The following TOGARAM1 variants were observed in gnomAD, a reference collection of about 807,000 sequenced individuals.
The protein encoded by TOGARAM1 is TOG array regulator of axonemal microtubules protein 1.
Under a neutral mutation model 166.6 loss-of-function variants are expected in TOGARAM1, and 100 were observed. The ratio of observed to expected loss-of-function variants is 0.60; its 90% CI spans 0.51 to 0.71. The LOEUF is 0.71. Among genes scored for constraint, TOGARAM1 ranks in the 30% least tolerant of loss-of-function variants. TOGARAM1 has a pLI of 0.00. For missense variants in TOGARAM1, 2,029 were observed against 2,102.7 expected, an observed-to-expected ratio of 0.96 and a Z score of 0.69; for synonymous variants, 758 against 763.8, an observed-to-expected ratio of 0.99 and a Z score of 0.13.
chr14:45,071,885 C>T (rs1253717380), intron 19 of TOGARAM1, 87 bp downstream of exon 19: 1 of 965,520 alleles, frequency 1.0e-6, no homozygotes, highest in African/African-American at 1.7e-5. Flanking sequence ...GGATAGCTAC[C>T]AACTTAATAT....
At chr14:45,015,956 CTCAGTTT>C (rs1239852917) in intron 7 of TOGARAM1, among the ~76,000 whole-genome samples, 1 of 151,884 alleles carries the variant, frequency 6.6e-6, no homozygotes, top group African/African-American at 2.4e-5. Flanking sequence ...ACTGAGTATT[CTCAGTTT>C]TCAGTTTTTT....
At position 45,046,554 on chromosome 14, in the gene TOGARAM1, C is replaced by T; in HGVS notation, c.4164C>T (p.His1388=). 3 of 1,308,698 alleles carry T rather than the reference C, an allele frequency of 2.3e-6. No individual in the cohort carries two copies. The highest frequency in any genetic ancestry group is 5.3e-5 in the South Asian group (2 of 37,814). The allele number at this position is 1,308,698 out of a possible 1,614,324, so 81.1% of individuals were successfully genotyped here. The change falls in exon 14 of 20, where the codon CAC becomes CAT. Residue 1388 remains histidine (H), a synonymous_variant. Transcript: ENST00000361462. ...TCATGTCTCCTTGTAGCCATTTACACATTGCTGTAAGAAGGTGTACAGCCC... is the reference window on the plus strand; with the variant it reads ...TCATGTCTCCTTGTAGCCATTTACATATTGCTGTAAGAAGGTGTACAGCCC... ...SLINGGQSHL[H]IAVRRCTAQH...
chr14:45,044,137 G>C (rs549331639), intron 12 of TOGARAM1, among the ~76,000 whole-genome samples: 2 of 152,134 alleles, frequency 1.3e-5, no homozygotes, highest in Non-Finnish European at 2.9e-5. Flanking sequence ...AGTCTCCCAA[G>C]TAGCTGGGAT....
rs947770378 is a variant in TOGARAM1, at chr14:45,029,712, C to A, written c.3658+1383C>A. ...TTACTCATCTATGATAACATACATA[C>A]AGACAATATTTAGCTTCTAGAAACT... On this transcript the variant is annotated intron_variant, in intron 10 of 19. Coordinates refer to ENST00000361462, the MANE Select transcript of TOGARAM1 (RefSeq NM_001308120.2). Among the ~76,000 whole-genome samples the A allele has an allele frequency of 3.6e-4, 55 of 152,284 alleles. No individual in the cohort carries two copies. The Middle Eastern group carries it at 0.014, about 38-fold the overall frequency.
chr14:45,046,231 C>T (rs750313711), intron 13 of TOGARAM1, among the ~76,000 whole-genome samples: 4 of 152,016 alleles, frequency 2.6e-5, no homozygotes, highest in East Asian at 1.9e-4. Context: ...TCCAGGAGTT[C>T]GAGACCAGCC....
intron 10 of TOGARAM1, among the ~76,000 whole-genome samples, chr14:45,030,668 A>C (rs552336270): frequency 6.6e-6 from 1 of 152,320 alleles, no homozygotes; most frequent in Admixed American, 6.5e-5. Flanking sequence ...CTCACATAAC[A>C]AAAACTGGTA....
chr14:45,057,657 T>C (rs1056250706), intron 16 of TOGARAM1, among the ~76,000 whole-genome samples: 6 of 152,212 alleles, frequency 3.9e-5, no homozygotes, highest in African/African-American at 7.2e-5. Context: ...GTTTCCCTTT[T>C]CATTTACTTC....
intron 13 of TOGARAM1, among the ~76,000 whole-genome samples, chr14:45,045,573 ATATATATATATGTG>A (rs1319347842): frequency 3.2e-3 from 126 of 39,384 alleles, no homozygotes; most frequent in Admixed American, 7.1e-3. Flanking sequence ...ATATATATAT[ATATATATATATGTG>A]TGTGTGTGTG....
chr14:45,031,154 A>G (rs1279245520), intron 10 of TOGARAM1, among the ~76,000 whole-genome samples: 1 of 152,172 alleles, frequency 6.6e-6, no homozygotes. Flanking sequence ...TGGTTAATAA[A>G]CAATTTTTGA....
chr14:45,068,987 C>A (rs1209414947), intron 18 of TOGARAM1, among the ~76,000 whole-genome samples: 1 of 151,866 alleles, frequency 6.6e-6, no homozygotes, highest in African/African-American at 2.4e-5. Flanking sequence ...AATAAACTAA[C>A]TCAAAATGGA....
At chr14:44,970,130 A>C (rs1340987636) in intron 1 of TOGARAM1, among the ~76,000 whole-genome samples, 1 of 152,166 alleles carries the variant, frequency 6.6e-6, no homozygotes, top group Non-Finnish European at 1.5e-5. Flanking sequence ...CAAGTTGAGA[A>C]AAACTAACAG....
chr14:45,058,130 T>C (rs1201689388), intron 16 of TOGARAM1, among the ~76,000 whole-genome samples: 2 of 152,186 alleles, frequency 1.3e-5, no homozygotes, highest in East Asian at 1.9e-4. Context: ...GATCCAGTGT[T>C]GGGTGCATAT....
chr14:44,994,490 C>T (rs1234574863), intron 1 of TOGARAM1, among the ~76,000 whole-genome samples: 1 of 151,940 alleles, frequency 6.6e-6, no homozygotes, highest in Admixed American at 6.6e-5. Flanking sequence ...ACAATATCAG[C>T]CCACTGCAGC....
chr14:45,009,621 T>C (rs1291089890), intron 6 of TOGARAM1, among the ~76,000 whole-genome samples: 1 of 152,212 alleles, frequency 6.6e-6, no homozygotes, highest in Non-Finnish European at 1.5e-5. Flanking sequence ...ATGCCATAGC[T>C]CTCATAGCCT....
intron 16 of TOGARAM1, among the ~76,000 whole-genome samples, chr14:45,055,574 G>T (rs1401463921): frequency 6.6e-6 from 1 of 152,064 alleles, no homozygotes; most frequent in East Asian, 1.9e-4. Flanking sequence ...GGATGCTGAG[G>T]CGGGTGGATC....
chr14:44,963,591 T>G lies in TOGARAM1; in HGVS notation c.1170T>G (p.Ser390=). The change falls in exon 1 of 20, where the codon TCT becomes TCG. Residue 390 remains serine, a synonymous_variant. Coordinates refer to ENST00000361462, the MANE Select transcript of TOGARAM1 (RefSeq NM_001308120.2). ...TTAACCCTAGTTCTACTCCTCATTC[T>G]AGTCTTGTTGGCTTCATTAGTTTGC... ...GKFNPSSTPH[S]SLVGFISLLY... 1 of 1,613,752 alleles carries G rather than the reference T, an allele frequency of 6.2e-7. No homozygotes were observed. Among genetic ancestry groups the G allele is most frequent in the Non-Finnish European group, 8.5e-7 (1 of 1,179,838 alleles).
intron 16 of TOGARAM1, among the ~76,000 whole-genome samples, chr14:45,059,600 G>A (rs1882802990): frequency 1.3e-5 from 2 of 152,030 alleles, no homozygotes; most frequent in African/African-American, 4.8e-5. Flanking sequence ...AAGTTGCAGT[G>A]AGCTGAGATT....
At chr14:45,003,799 A>G (rs529580532) in intron 3 of TOGARAM1, among the ~76,000 whole-genome samples, 6 of 152,182 alleles carry the variant, frequency 3.9e-5, no homozygotes, top group Admixed American at 2.0e-4. Context: ...ACATGCATGT[A>G]TGTATGTAAT....
At chr14:44,991,544 G>A (rs1406718689) in intron 1 of TOGARAM1, among the ~76,000 whole-genome samples, 1 of 152,076 alleles carries the variant, frequency 6.6e-6, no homozygotes, top group Non-Finnish European at 1.5e-5. Context: ...TTATACTATA[G>A]GAATATAATA....
Sources: allele counts gnomAD v4.1 joint callset (sites outside exome capture counted in the v4.1 genomes callset), GRCh38; gene constraint gnomAD v4.1.1; transcripts MANE v1.5; gene names NCBI Gene and HGNC (gene_info 2026-07-23, HGNC 2026-07-21).